TRIOBP: variants seen among roughly 807,000 people sequenced by gnomAD.
TRIOBP encodes TRIO and F-actin binding protein.
TRIOBP carries 169 observed loss-of-function variants against 238.8 expected under a neutral mutation model. The ratio of observed to expected loss-of-function variants is 0.71; its 90% CI spans 0.62 to 0.80. TRIOBP has a LOEUF of 0.80. Among genes scored for constraint, TRIOBP ranks in the 30% least tolerant of loss-of-function variants. TRIOBP has a pLI of 0.00. For synonymous variants in TRIOBP, 1,150 were observed against 1,274.4 expected, an observed-to-expected ratio of 0.90 and a Z score of 2.08; for missense variants, 2,838 against 3,122.6, an observed-to-expected ratio of 0.91 and a Z score of 2.17.
chr22:37,720,167 G>A lies in TRIOBP; in HGVS notation c.629-3018G>A, dbSNP rs187611563. On this transcript the variant is annotated intron_variant, in intron 6 of 23. Transcript: ENST00000644935. Reference sequence around the variant, plus strand: ...TGGGATTACAGGCATGCACCACCACGCCCGGCTAATTTTGTATTTTTAGTA... The same window carrying A: ...TGGGATTACAGGCATGCACCACCACACCCGGCTAATTTTGTATTTTTAGTA... 3.2e-3 allele frequency among the ~76,000 whole-genome samples: 490 copies of A among 151,538 alleles called. 4 individuals are homozygous for A. Among genetic ancestry groups the A allele is most frequent in the African/African-American group, 0.012 (484 of 41,264 alleles).
intron 17 of TRIOBP, among the ~76,000 whole-genome samples, chr22:37,762,821 G>A (rs1056200728): frequency 2.6e-5 from 4 of 152,142 alleles, no homozygotes; most frequent in African/African-American, 7.2e-5. Flanking sequence ...CTGGTATCTC[G>A]GGCTGAGTGG....
At chr22:37,700,232 CTG>C (rs1323119525) in intron 2 of TRIOBP, among the ~76,000 whole-genome samples, 1 of 151,354 alleles carries the variant, frequency 6.6e-6, no homozygotes, top group African/African-American at 2.4e-5. Flanking sequence ...GAGATTCTAA[CTG>C]TGTGAATTGG....
At chr22:37,767,972 C>A in intron 18 of TRIOBP, 102 bp from the exon 19 acceptor site, 1 of 890,048 alleles carries the variant, frequency 1.1e-6, no homozygotes. Flanking sequence ...ATGTGGAGTC[C>A]ACATAGTACT....
intron 5 of TRIOBP, 115 bp downstream of exon 5, chr22:37,713,526 A>C: frequency 4.5e-6 from 6 of 1,343,882 alleles, no homozygotes; most frequent in Non-Finnish European, 6.3e-6. Context: ...GAATCCGACG[A>C]GGTCCTCTGG....
At position 37,715,857 on chromosome 22, in the gene TRIOBP, C is replaced by A. The variant is rs779595749; in HGVS notation, c.551C>A (p.Ala184Asp). ...AGGAGGCCTCGGGAGGGGCCGAGAG[C>A]TGACAGCTCCCAAAGGGCTCCGTCT... is the stretch of plus-strand genomic sequence containing the variant. ...IPRRPREGPR[A>D]DSSQRAPSLL... is the part of the protein sequence containing the mutation. The change falls in exon 6 of 24, where the codon GCT (alanine) becomes GAT (aspartate). Residue 184 changes from alanine (A) to aspartate (D), a missense_variant. Ala to Asp is a moderately radical substitution (Grantham distance 126). Transcript: ENST00000644935. 1.2e-6 allele frequency: 2 copies of A among 1,614,012 alleles called. No homozygotes were observed. Among genetic ancestry groups the A allele is most frequent in the African/African-American group, 2.7e-5 (2 of 75,056 alleles).
chr22:37,771,183 G>A (rs1387062707), intron 21 of TRIOBP, among the ~76,000 whole-genome samples: 3 of 152,178 alleles, frequency 2.0e-5, no homozygotes, highest in Admixed American at 6.5e-5. Flanking sequence ...AGCTGGACTG[G>A]GATTTGAACC....
chr22:37,747,356 A>G (rs1925336918), intron 11 of TRIOBP, among the ~76,000 whole-genome samples: 1 of 152,108 alleles, frequency 6.6e-6, no homozygotes, highest in Non-Finnish European at 1.5e-5. Flanking sequence ...AGGCTCTGAC[A>G]GCCCAGTGGC....
intron 7 of TRIOBP, among the ~76,000 whole-genome samples, chr22:37,727,766 AC>A (rs1282244399): frequency 6.6e-6 from 1 of 152,238 alleles, no homozygotes; most frequent in Non-Finnish European, 1.5e-5. Flanking sequence ...ATCCTGGGAC[AC>A]CTGAAGTCCA....
chr22:37,720,921 G>T (rs1444682274), intron 6 of TRIOBP, among the ~76,000 whole-genome samples: 1 of 151,856 alleles, frequency 6.6e-6, no homozygotes. Flanking sequence ...GCAGTGGCCA[G>T]ATCTCAGCTC....
chr22:37,751,024 G>A (rs1213215244), intron 11 of TRIOBP: 1 of 380,302 alleles, frequency 2.6e-6, no homozygotes, highest in Admixed American at 3.5e-5. Flanking sequence ...TCCCCAGCAG[G>A]AAGGGAGGGT....
At chr22:37,737,065 G>C (rs889478911) in intron 9 of TRIOBP, among the ~76,000 whole-genome samples, 2 of 152,242 alleles carry the variant, frequency 1.3e-5, no homozygotes, top group Admixed American at 6.5e-5. Context: ...CAGAGAAGCA[G>C]GGATAAGTCA....
Position 37,744,386 on chromosome 22 carries a change from A to G in TRIOBP, c.5322+3354A>G, listed in dbSNP as rs115591641. On this transcript the variant is annotated intron_variant, in intron 11 of 23. Coordinates refer to ENST00000644935, the MANE Select transcript of TRIOBP (RefSeq NM_001039141.3). ...AAAGTATGTGTCTCTCCAGCCTGTC[A>G]AATGAGAATCTGGAAGGCCAGGATG... 4.0e-3 allele frequency among the ~76,000 whole-genome samples: 603 copies of G among 152,348 alleles called. 2 individuals carry two copies. Among genetic ancestry groups the G allele is most frequent in the African/African-American group, 0.013 (557 of 41,588 alleles).
Position 37,771,507 on chromosome 22 carries a change from G to A in TRIOBP, c.6850-143G>A, listed in dbSNP as rs564410293. On this transcript the variant is annotated intron_variant, in intron 21 of 23. Coordinates refer to ENST00000644935, the MANE Select transcript of TRIOBP (RefSeq NM_001039141.3). ...CGGAGAGGGCTTCCTGGAGGAGTCC[G>A]CCTCCAGGATGTAGAGGGTTTTTGT... is the stretch of plus-strand genomic sequence containing the variant. 5.9e-5 allele frequency: 42 copies of A among 713,488 alleles called. No individual in the cohort carries two copies. The East Asian group carries it at 7.0e-4, about 12-fold the overall frequency. 44.2% of individuals were successfully genotyped at this position (713,488 alleles called of 1,614,324 possible).
chr22:37,747,645 A>C (rs1377607424), intron 11 of TRIOBP, among the ~76,000 whole-genome samples: 1 of 152,180 alleles, frequency 6.6e-6, no homozygotes, highest in Non-Finnish European at 1.5e-5. Flanking sequence ...GAGCTGAGTC[A>C]GTGTCCTGGG....
intron 7 of TRIOBP, among the ~76,000 whole-genome samples, chr22:37,731,369 C>T (rs986207082): frequency 2.0e-5 from 3 of 151,940 alleles, no homozygotes; most frequent in East Asian, 1.9e-4. Flanking sequence ...TCAAACTCCT[C>T]GACTCAAGTG....
chr22:37,757,416 C>T (rs1484832961), intron 15 of TRIOBP, among the ~76,000 whole-genome samples, 197 bp from the exon 16 acceptor site: 3 of 152,096 alleles, frequency 2.0e-5, no homozygotes, highest in Admixed American at 1.3e-4. Flanking sequence ...CCTGGTGGGT[C>T]CCTGGGCTGT....
rs1046077656 is a variant in TRIOBP, at chr22:37,755,453, A to G, written c.5578-97A>G. On this transcript the variant is annotated intron_variant, in intron 14 of 23. Transcript: ENST00000644935. Reference sequence around the variant, plus strand: ...ACCCCAGACTCAAGACCTTAGATGCATCCTGGGAAGGAAGGGCCACCCTCC... The same window carrying G: ...ACCCCAGACTCAAGACCTTAGATGCGTCCTGGGAAGGAAGGGCCACCCTCC... 3 of 1,159,802 alleles carry G rather than the reference A, an allele frequency of 2.6e-6. No individual in the cohort carries two copies. The African/African-American group carries it at 4.6e-5, about 18-fold the overall frequency. The allele number at this position is 1,159,802 out of a possible 1,614,324, so 71.8% of individuals were successfully genotyped here.
chr22:37,746,255 G>GC, intron 11 of TRIOBP: 1 of 1,090,432 alleles, frequency 9.2e-7, no homozygotes. Context: ...GATGGAAGGG[G>GC]CCGGGGCAGC....
chr22:37,773,024 C>T (rs906361850), intron 23 of TRIOBP, among the ~76,000 whole-genome samples: 1 of 152,208 alleles, frequency 6.6e-6, no homozygotes, highest in Non-Finnish European at 1.5e-5. Flanking sequence ...CTCAGTGCAC[C>T]CCCCTTCTTG....
Sources: gnomAD v4.1 joint callset for allele counts (sites outside exome capture counted in the v4.1 genomes callset) on GRCh38, gnomAD v4.1.1 for gene constraint, MANE v1.5 for transcripts, NCBI Gene and HGNC (gene_info 2026-07-23, HGNC 2026-07-21) for gene names.